The following ITGA9 variants were observed in gnomAD, a reference collection of about 807,000 sequenced individuals.
The protein encoded by ITGA9 is integrin alpha-9.
Under a neutral mutation model 127.8 loss-of-function variants are expected in ITGA9, and 56 were observed. The ratio of observed to expected loss-of-function variants is 0.44; its 90% CI spans 0.35 to 0.55. ITGA9 has a LOEUF of 0.55. Ranked by LOEUF, ITGA9 falls within the 20% of genes least tolerant of loss-of-function variation. ITGA9 has a pLI of 0.00. For missense variants in ITGA9, 1,196 were observed against 1,347.1 expected (o/e 0.89, Z 1.76); for synonymous variants, 508 against 514.5 (o/e 0.99, Z 0.17).
intron 9 of ITGA9, among the ~76,000 whole-genome samples, chr3:37,514,152 G>A (rs1441192741): frequency 2.0e-5 from 3 of 152,200 alleles, no homozygotes; most frequent in Admixed American, 6.5e-5. Flanking sequence ...CTATGTACCA[G>A]GGACTCTTCT....
chr3:37,795,110 A>G (rs992805806), intron 26 of ITGA9, among the ~76,000 whole-genome samples: 3 of 152,142 alleles, frequency 2.0e-5, no homozygotes, highest in African/African-American at 7.2e-5. Context: ...CTTATTTTAT[A>G]TAAATTCCTT....
chr3:37,561,798 C>G (rs1012481435), intron 15 of ITGA9, among the ~76,000 whole-genome samples: 3 of 152,184 alleles, frequency 2.0e-5, no homozygotes, highest in Non-Finnish European at 4.4e-5. Context: ...GGGGTCATGC[C>G]TGGAGAGGTG....
rs1294221880 is a variant in ITGA9, at chr3:37,452,476, G to A, written c.102G>A (p.Pro34=). 2 of 1,507,210 alleles carry A rather than the reference G, an allele frequency of 1.3e-6. No homozygotes were observed. Among genetic ancestry groups the A allele is most frequent in the African/African-American group, 1.5e-5 (1 of 68,682 alleles). The allele number at this position is 1,507,210 out of a possible 1,614,324, so 93.4% of individuals were successfully genotyped here. Residue 34 remains proline, a synonymous_variant, in exon 1 of 28, where the codon CCG becomes CCA. Transcript: ENST00000264741. This position sits in a 1 kb window ranked among gnomAD's most constrained non-coding sequence, Gnocchi z 7.3. ...GIPAGAYNLD[P]QRPVHFQGPA... ...CCGCGGGCGCCTACAACCTCGACCC[G>A]CAGCGCCCCGTGCACTTCCAGGGCC...
intron 15 of ITGA9, among the ~76,000 whole-genome samples, chr3:37,601,216 C>T (rs1420242841): frequency 6.6e-6 from 1 of 152,180 alleles, no homozygotes; most frequent in Non-Finnish European, 1.5e-5. Context: ...GCCACGCCTC[C>T]ACCTTCCATT....
intron 20 of ITGA9, 21 bp downstream of exon 20, chr3:37,737,004 C>G (rs372084095): frequency 4.0e-6 from 6 of 1,505,728 alleles, no homozygotes; most frequent in Non-Finnish European, 4.6e-6. Flanking sequence ...GGTTTAAACA[C>G]TTTTTTCAAA....
chr3:37,471,244 T>G, intron 2 of ITGA9, 110 bp downstream of exon 2: 2 of 1,201,724 alleles, frequency 1.7e-6, no homozygotes, highest in African/African-American at 1.5e-5. Context: ...CCTTCCCTCC[T>G]TCCCTCCCTC....
chr3:37,758,894 T>TC (rs1280735679), intron 23 of ITGA9, among the ~76,000 whole-genome samples: 1 of 151,984 alleles, frequency 6.6e-6, no homozygotes, highest in Non-Finnish European at 1.5e-5. Context: ...TCAAATGCTT[T>TC]CCCCAGAGAC....
chr3:37,659,286 C>A (rs1355492602), intron 17 of ITGA9, among the ~76,000 whole-genome samples: 2 of 152,098 alleles, frequency 1.3e-5, no homozygotes, highest in Admixed American at 1.3e-4. Flanking sequence ...CAACTTGGTT[C>A]CATTCTCCTC....
intron 15 of ITGA9, among the ~76,000 whole-genome samples, chr3:37,616,218 A>T (rs1575168295): frequency 6.6e-6 from 1 of 152,122 alleles, no homozygotes; most frequent in African/African-American, 2.4e-5. Context: ...TCATTTTGTT[A>T]TGTACCCAGT....
At chr3:37,505,916 A>G (rs1698836164) in intron 6 of ITGA9, 84 bp from the exon 7 acceptor site, 3 of 1,018,138 alleles carry the variant, frequency 2.9e-6, no homozygotes, top group Admixed American at 2.0e-5. Flanking sequence ...AGCATGCTTG[A>G]GAAACATTTT....
rs540251325 is a variant in ITGA9, at chr3:37,606,749, C to G, written c.1690-22438C>G. On this transcript the variant is annotated intron_variant, in intron 15 of 27. Transcript: ENST00000264741. ...GCTGTCCACAGAGGGGATCAGCCCC[C>G]CTCAATGACCACTACTCCGAGCATG... Among the ~76,000 whole-genome samples, 13 of 152,150 alleles carry G rather than the reference C, an allele frequency of 8.5e-5. No homozygotes were observed. The South Asian group carries it at 2.5e-3, about 29-fold the overall frequency.
intron 5 of ITGA9, among the ~76,000 whole-genome samples, chr3:37,500,575 CCTCT>C (rs1440390558): frequency 6.6e-6 from 1 of 152,170 alleles, no homozygotes; most frequent in African/African-American, 2.4e-5. Flanking sequence ...GCTCTATCCT[CCTCT>C]CTCTATTTTT....
intron 1 of ITGA9, among the ~76,000 whole-genome samples, chr3:37,467,347 A>G (rs1698383672): frequency 6.6e-6 from 1 of 152,218 alleles, no homozygotes; most frequent in African/African-American, 2.4e-5. Context: ...AGAACCATTG[A>G]GTACCTTGGG....
chr3:37,621,496 TCCAGGAGAC>T (rs1380386786), intron 15 of ITGA9, among the ~76,000 whole-genome samples: 1 of 152,242 alleles, frequency 6.6e-6, no homozygotes, highest in Non-Finnish European at 1.5e-5. Flanking sequence ...TTCAGTATTG[TCCAGGAGAC>T]CCAGGGAGCT....
At chr3:37,720,433 GA>G (rs1216871695) in intron 18 of ITGA9, among the ~76,000 whole-genome samples, 1 of 152,184 alleles carries the variant, frequency 6.6e-6, no homozygotes, top group Non-Finnish European at 1.5e-5. Context: ...TAAGGCAAAG[GA>G]AAAGAGTGAT....
rs1297387900 is a variant in ITGA9, at chr3:37,779,959, G to C, written c.2725G>C (p.Ala909Pro). ...AGCACACTGTAACTTTAGTGCTCTT[G>C]CTAAAGAAGAAAGTCGTACTATAGA... ...LTAHCNFSAL[A>P]KEESRTIDIY... Residue 909 changes from alanine to proline, a missense_variant, in exon 25 of 28, where the codon GCT (alanine) becomes CCT (proline). By Grantham distance (27) the Ala-to-Pro change is conservative. Coordinates refer to ENST00000264741, the MANE Select transcript of ITGA9 (RefSeq NM_002207.3). The C allele has an allele frequency of 6.2e-7, 1 of 1,613,584 alleles. No individual in the cohort carries two copies. Among genetic ancestry groups the C allele is most frequent in the African/African-American group, 1.3e-5 (1 of 74,912 alleles).
At position 37,735,975 on chromosome 3, in the gene ITGA9, G is replaced by C. The variant is rs149146049; in HGVS notation, c.2155-929G>C. Among the ~76,000 whole-genome samples the C allele has an allele frequency of 1.6e-4, 24 of 152,308 alleles. No individual in the cohort carries two copies. The East Asian group carries it at 3.9e-3, about 24-fold the overall frequency. On this transcript the variant is annotated intron_variant, in intron 19 of 27. Transcript: ENST00000264741. ...TTAAGGCTGAGAAGTTCAAGGTCAT[G>C]GTCCCGGCAGATTCAGTTCCTGGCG...
At chr3:37,650,988 A>G (rs1247674609) in intron 16 of ITGA9, among the ~76,000 whole-genome samples, 1 of 152,218 alleles carries the variant, frequency 6.6e-6, no homozygotes, top group Non-Finnish European at 1.5e-5. Context: ...TTAATGTAAT[A>G]CAATTAAAAT....
At chr3:37,774,806 T>C (rs78904449) in intron 23 of ITGA9, among the ~76,000 whole-genome samples, 29 of 152,304 alleles carry the variant, frequency 1.9e-4, no homozygotes, top group East Asian at 1.3e-3. Context: ...TGTGAGAAAC[T>C]TTTATAGGCA....
Sources: allele counts gnomAD v4.1 joint callset (sites outside exome capture counted in the v4.1 genomes callset), GRCh38; gene constraint gnomAD v4.1.1; non-coding constraint Gnocchi (gnomAD v3.1); transcripts MANE v1.5; gene names NCBI Gene and HGNC (gene_info 2026-07-23, HGNC 2026-07-21).